The following CEMIP variants were observed in gnomAD, a reference collection of about 807,000 sequenced individuals.
The protein encoded by CEMIP is cell migration inducing hyaluronidase 1, also known as cell migration-inducing and hyaluronan-binding protein.
In CEMIP, 105 loss-of-function variants were observed where a neutral mutation model predicts 156.9. The ratio of observed to expected loss-of-function variants is 0.67; its 90% CI spans 0.57 to 0.79. The LOEUF is 0.79. Ranked by LOEUF, CEMIP falls within the 30% of genes least tolerant of loss-of-function variation. CEMIP has a pLI of 0.00. For synonymous variants in CEMIP, 676 were observed against 668.4 expected (o/e 1.01, Z -0.17); for missense variants, 1,457 against 1,769.4 (o/e 0.82, Z 3.17).
intron 28 of CEMIP, among the ~76,000 whole-genome samples, chr15:80,945,140 T>A (rs1901495379): frequency 6.6e-6 from 1 of 152,150 alleles, no homozygotes; most frequent in Non-Finnish European, 1.5e-5. Context: ...ACCAGAAACA[T>A]CTAGCATGGC....
chr15:80,877,460 G>A (rs1425301412), intron 3 of CEMIP, among the ~76,000 whole-genome samples: 1 of 152,120 alleles, frequency 6.6e-6, no homozygotes, highest in Admixed American at 6.5e-5. Context: ...CCCCCAACCC[G>A]GGTTAATTTG....
intron 12 of CEMIP, among the ~76,000 whole-genome samples, chr15:80,900,590 GT>G (rs1899448814): frequency 1.4e-5 from 1 of 71,160 alleles, no homozygotes; most frequent in Non-Finnish European, 3.2e-5. Flanking sequence ...GTAGGGGTGT[GT>G]GTGTGTGTGT....
At chr15:80,872,946 C>A (rs560134411) in intron 1 of CEMIP, among the ~76,000 whole-genome samples, 2 of 152,248 alleles carry the variant, frequency 1.3e-5, no homozygotes, top group Non-Finnish European at 2.9e-5. Flanking sequence ...TTGGCATCCT[C>A]AGTGCATGCA....
At chr15:80,793,558 T>C (rs1896138030) in intron 1 of CEMIP, among the ~76,000 whole-genome samples, 1 of 152,206 alleles carries the variant, frequency 6.6e-6, no homozygotes, top group Non-Finnish European at 1.5e-5. Context: ...GATGAGCCCT[T>C]CCTAAAGTGC....
chr15:80,873,292 G>T (rs921585420), intron 1 of CEMIP, among the ~76,000 whole-genome samples: 4 of 152,154 alleles, frequency 2.6e-5, no homozygotes, highest in Non-Finnish European at 5.9e-5. Context: ...AGATAAGAGG[G>T]CTTATAACAT....
At chr15:80,840,699 C>T (rs1055124655) in intron 1 of CEMIP, among the ~76,000 whole-genome samples, 4 of 152,196 alleles carry the variant, frequency 2.6e-5, no homozygotes, top group Admixed American at 6.5e-5. Flanking sequence ...CTGCAGCGCC[C>T]GAGTGTTTGC....
At chr15:80,848,681 G>A (rs1408058062) in intron 1 of CEMIP, among the ~76,000 whole-genome samples, 1 of 152,180 alleles carries the variant, frequency 6.6e-6, no homozygotes, top group African/African-American at 2.4e-5. Context: ...GATGAGAAGG[G>A]GTTCCCAGGC....
intron 1 of CEMIP, among the ~76,000 whole-genome samples, chr15:80,839,640 T>C (rs1442497974): frequency 6.6e-6 from 1 of 152,136 alleles, no homozygotes; most frequent in Non-Finnish European, 1.5e-5. Context: ...GTGCTGCAAA[T>C]GCTTCAGGAG....
Position 80,949,684 on chromosome 15 carries a change from A to G in CEMIP, c.*760A>G, listed in dbSNP as rs569411902. ...GATGGAGAGGTGAGAACTAATGCCT[A>G]GCTTGAGGGGTCTGCAGTCCAGTAG... On this transcript the variant is annotated 3_prime_UTR_variant, in exon 30 of 30. Transcript: ENST00000394685. 2 of 154,894 alleles carry G rather than the reference A, an allele frequency of 1.3e-5. No homozygotes were observed. The highest frequency in any genetic ancestry group is 2.0e-4 in the South Asian group (1 of 4,944). 9.6% of individuals were successfully genotyped at this position (154,894 alleles called of 1,614,324 possible).
In CEMIP at chr15:80,900,638, G is replaced by GTGTGTGTCTGTGTGTGTGTC. The variant is rs1596172807; in HGVS notation, c.1411+4585_1411+4586insCTGTGTGTGTGTCTGTGTGT. The stretch of plus-strand genomic sequence containing the variant: ...TGTGTGTGTGTGTGTGTGTGTGTGT[G>GTGTGTGTCTGTGTGTGTGTC]TGTGTGTGTGTCTGTGTGTGTGTCT... On this transcript the variant is annotated intron_variant, in intron 12 of 29. Coordinates refer to ENST00000394685, the MANE Select transcript of CEMIP (RefSeq NM_001293298.2). Among the ~76,000 whole-genome samples, 272 of 101,786 alleles carry GTGTGTGTCTGTGTGTGTGTC rather than the reference G, an allele frequency of 2.7e-3. 1 individual carries two copies. Among genetic ancestry groups the GTGTGTGTCTGTGTGTGTGTC allele is most frequent in the Non-Finnish European group, 3.5e-3 (167 of 47,826 alleles). The allele number at this position is 101,786 out of a possible 152,430, so 66.8% of individuals were successfully genotyped here.
chr15:80,837,462 C>G (rs1897294377), intron 1 of CEMIP, among the ~76,000 whole-genome samples: 1 of 152,160 alleles, frequency 6.6e-6, no homozygotes, highest in Admixed American at 6.5e-5. Context: ...GGCACCAGCT[C>G]ATGTCTGTCC....
intron 27 of CEMIP, 21 bp from the exon 28 acceptor site, chr15:80,942,924 T>A: frequency 6.2e-7 from 1 of 1,614,200 alleles, no homozygotes; most frequent in Non-Finnish European, 8.5e-7. Flanking sequence ...GCCTCACACC[T>A]GGATTGCTCT....
At chr15:80,935,504 C>T (rs1901087389) in intron 23 of CEMIP, among the ~76,000 whole-genome samples, 1 of 152,194 alleles carries the variant, frequency 6.6e-6, no homozygotes, top group South Asian at 2.1e-4. Flanking sequence ...TTACAAAATG[C>T]TTTAATGTAC....
chr15:80,832,484 T>A (rs979549471), intron 1 of CEMIP, among the ~76,000 whole-genome samples: 11 of 152,144 alleles, frequency 7.2e-5, no homozygotes, highest in Non-Finnish European at 1.6e-4. Flanking sequence ...CACTCCCGGC[T>A]CTCATTTTGA....
chr15:80,790,855 A>C (rs1056047509), intron 1 of CEMIP, among the ~76,000 whole-genome samples: 1 of 152,188 alleles, frequency 6.6e-6, no homozygotes, highest in Non-Finnish European at 1.5e-5. Flanking sequence ...ATTTCCCTGC[A>C]ATGGAAAAGC....
At chr15:80,926,887 G>A (rs984595027) in intron 19 of CEMIP, among the ~76,000 whole-genome samples, 5 of 147,856 alleles carry the variant, frequency 3.4e-5, no homozygotes, top group African/African-American at 7.7e-5. Context: ...CTGGAGTGCA[G>A]TGGTGCAAAC....
At chr15:80,893,580 GCTTAC>G (rs889280863) in intron 10 of CEMIP, among the ~76,000 whole-genome samples, 1 of 152,162 alleles carries the variant, frequency 6.6e-6, no homozygotes, top group Non-Finnish European at 1.5e-5. Context: ...GAGGAGCTGG[GCTTAC>G]CTTAACTGAC....
intron 12 of CEMIP, chr15:80,897,426 G>A (rs1360782833): frequency 4.5e-6 from 2 of 445,630 alleles, no homozygotes; most frequent in Non-Finnish European, 9.1e-6. Context: ...CGGACCTAGA[G>A]GTCATGTGGT....
chr15:80,816,376 G>A (rs1896788886), intron 1 of CEMIP, among the ~76,000 whole-genome samples: 1 of 152,188 alleles, frequency 6.6e-6, no homozygotes, highest in South Asian at 2.1e-4. Flanking sequence ...TTGTCTGTCT[G>A]GATGTTTCCT....
Sources: gnomAD v4.1 joint callset for allele counts (sites outside exome capture counted in the v4.1 genomes callset) on GRCh38, gnomAD v4.1.1 for gene constraint, MANE v1.5 for transcripts, NCBI Gene and HGNC (gene_info 2026-07-23, HGNC 2026-07-21) for gene names.